The following TCF7 variants were observed in gnomAD, a reference collection of about 807,000 sequenced individuals.
TCF7 encodes the protein T-cell-factor-7.
TCF7 carries 19 observed loss-of-function variants against 46.8 expected under a neutral mutation model. The ratio of observed to expected loss-of-function variants is 0.41; its 90% CI spans 0.28 to 0.60. The LOEUF (loss-of-function observed/expected upper bound fraction) is 0.60. TCF7 is among the 20% of genes least tolerant of loss of function. TCF7 has a pLI of 0.35. For missense variants in TCF7, 547 were observed against 504.6 expected, an observed-to-expected ratio of 1.08 and a Z score of -0.81; for synonymous variants, 245 against 213.4, an observed-to-expected ratio of 1.15 and a Z score of -1.29.
chr5:134,134,960 C>T (rs1003212003), intron 3 of TCF7, among the ~76,000 whole-genome samples: 2 of 152,100 alleles, frequency 1.3e-5, no homozygotes, highest in African/African-American at 4.8e-5. Flanking sequence ...TCACGTAGAG[C>T]TTTACTTATT....
At chr5:134,139,178 C>T in intron 5 of TCF7, 140 bp downstream of exon 5, 11 of 1,357,182 alleles carry the variant, frequency 8.1e-6, no homozygotes, top group Non-Finnish European at 1.1e-5. Flanking sequence ...TGGCCAGCAA[C>T]TCTGTCCTAA....
At chr5:134,116,437 C>T (rs1755852881) in intron 3 of TCF7, among the ~76,000 whole-genome samples, 1 of 152,242 alleles carries the variant, frequency 6.6e-6, no homozygotes, top group African/African-American at 2.4e-5. Context: ...GCCTCCTTGG[C>T]GCTTGGAGGA....
chr5:134,115,585 T>C, intron 2 of TCF7, 198 bp downstream of exon 2: 1 of 1,439,362 alleles, frequency 6.9e-7, no homozygotes, highest in South Asian at 1.5e-5. Flanking sequence ...CTGACCTTTA[T>C]AGGAGTAAAC....
chr5:134,138,074 C>G lies in TCF7; in HGVS notation c.457C>G (p.Pro153Ala), dbSNP rs1470298734. 1.2e-6 allele frequency: 2 copies of G among 1,600,706 alleles called. No homozygotes were observed. Among genetic ancestry groups the G allele is most frequent in the Non-Finnish European group, 1.7e-6 (2 of 1,172,970 alleles). The change falls in exon 4 of 10, where the codon CCC becomes GCC. Residue 153 changes from proline (P) to alanine (A), a missense_variant. Physicochemically the swap from Pro to Ala is conservative, Grantham distance 27. This residue lies in a region of TCF7 where 425 missense variants were observed against 349.9 expected (regional missense o/e 1.21). Transcript: ENST00000342854. ...PQPPLHKANQ[P>A]PHGVPQLSLY... is the part of the protein sequence containing the mutation. ...CATTTTTCAGCACAAGGCCAATCAG[C>G]CCCCCCACGGTGTCCCCCAACTCTC...
At chr5:134,110,017 T>C (rs244951), upstream of TCF7, among the ~76,000 whole-genome samples, 121,597 of 152,114 alleles carry the variant, frequency 0.8, 48,944 homozygotes, top group Non-Finnish European at 0.86. Context: ...GACTCTAGAC[T>C]CCTTCCTGGG....
chr5:134,111,626 A>G (rs911391184), upstream of TCF7, among the ~76,000 whole-genome samples: 4 of 152,102 alleles, frequency 2.6e-5, no homozygotes. Flanking sequence ...CCCTATACAG[A>G]CCACCAAGAT....
intron 3 of TCF7, among the ~76,000 whole-genome samples, chr5:134,116,762 AAAGTGTG>A (rs1211865548): frequency 6.6e-6 from 1 of 152,258 alleles, no homozygotes; most frequent in Non-Finnish European, 1.5e-5. Flanking sequence ...CAGATGACCT[AAAGTGTG>A]AAGAGCCTAT....
intron 3 of TCF7, among the ~76,000 whole-genome samples, chr5:134,117,626 C>A (rs1157655207): frequency 6.6e-6 from 1 of 152,190 alleles, no homozygotes; most frequent in African/African-American, 2.4e-5. Flanking sequence ...CTTCGTTCTG[C>A]TGTCAGGGTA....
At chr5:134,131,559 G>A (rs1218880395) in intron 3 of TCF7, among the ~76,000 whole-genome samples, 2 of 152,202 alleles carry the variant, frequency 1.3e-5, no homozygotes, top group South Asian at 2.1e-4. Flanking sequence ...TGAGGGACCT[G>A]AGGGAAGAAG....
intron 5 of TCF7, chr5:134,140,747 G>C (rs932836313): frequency 2.2e-6 from 1 of 453,850 alleles, no homozygotes; most frequent in African/African-American, 2.0e-5. Context: ...GTCTTTCCTC[G>C]TGTCTGGCCA....
chr5:134,124,454 T>A (rs1757057521), intron 3 of TCF7, among the ~76,000 whole-genome samples: 1 of 152,084 alleles, frequency 6.6e-6, no homozygotes, highest in South Asian at 2.1e-4. Flanking sequence ...AGGGTCTCTG[T>A]CCCTTGCTGG....
At chr5:134,120,538 C>G (rs1279300336) in intron 3 of TCF7, among the ~76,000 whole-genome samples, 6 of 152,180 alleles carry the variant, frequency 3.9e-5, no homozygotes, top group Non-Finnish European at 7.3e-5. Flanking sequence ...CCTAGGGGGT[C>G]TTACAGCCAG....
chr5:134,146,731 A>G lies in TCF7; in HGVS notation c.*428A>G, dbSNP rs897069657. 1 of 593,754 alleles carries G rather than the reference A, an allele frequency of 1.7e-6. No individual in the cohort carries two copies. The highest frequency in any genetic ancestry group is 3.1e-5 in the Admixed American group (1 of 32,534). The allele number at this position is 593,754 out of a possible 1,614,324, so 36.8% of individuals were successfully genotyped here. A position where few individuals can be genotyped will look rare whatever the true frequency, so the allele number is the denominator to read the frequency against. ...GGAATCAGATCTGTCTTGATGTGTC[A>G]TCTAATTAAGGGAATCCCTTGTACC... is the stretch of plus-strand genomic sequence containing the variant. On this transcript the variant is annotated 3_prime_UTR_variant, in exon 10 of 10. Coordinates refer to ENST00000342854, the MANE Select transcript of TCF7 (RefSeq NM_003202.5).
intron 9 of TCF7, 88 bp downstream of exon 9, chr5:134,143,728 G>A (rs1239862427): frequency 3.9e-5 from 60 of 1,529,222 alleles, no homozygotes; most frequent in South Asian, 5.8e-5. Context: ...GGAGGAACGC[G>A]GTACCCAGCT....
the TCF7 span, among the ~76,000 whole-genome samples, chr5:134,109,433 C>G: frequency 2.0e-5 from 3 of 152,136 alleles, no homozygotes; most frequent in Non-Finnish European, 4.4e-5. Flanking sequence ...TGTCTCTCAC[C>G]TCTGGTCTCA....
intron 3 of TCF7, among the ~76,000 whole-genome samples, chr5:134,120,538 CT>C (rs1213904607): frequency 1.3e-5 from 2 of 152,180 alleles, no homozygotes; most frequent in African/African-American, 4.8e-5. Context: ...CCTAGGGGGT[CT>C]TACAGCCAGC....
At chr5:134,113,979 G>C (rs1580780201), upstream of TCF7, among the ~76,000 whole-genome samples, 1 of 152,220 alleles carries the variant, frequency 6.6e-6, no homozygotes, top group Non-Finnish European at 1.5e-5. Flanking sequence ...AGAGTCATAG[G>C]GGCTGGGACT....
intron 5 of TCF7, chr5:134,140,818 CT>C (rs763139013): frequency 6.6e-6 from 3 of 455,624 alleles, no homozygotes; most frequent in Admixed American, 2.4e-5. Flanking sequence ...TCTCTACCCC[CT>C]GTCCCCTTCC....
chr5:134,127,849 G>A (rs1320414594), intron 3 of TCF7, among the ~76,000 whole-genome samples: 1 of 152,228 alleles, frequency 6.6e-6, no homozygotes, highest in South Asian at 2.1e-4. Context: ...CAATGCTGGC[G>A]TTCCTGAAAA....
Sources: gnomAD v4.1 joint callset for allele counts (sites outside exome capture counted in the v4.1 genomes callset) on GRCh38, gnomAD v4.1.1 for gene constraint, gnomAD v4.1.1 regional missense constraint, MANE v1.5 for transcripts, NCBI Gene and HGNC (gene_info 2026-07-23, HGNC 2026-07-21) for gene names.